Variants in CSMD2 observed in about 807,000 individuals in gnomAD.
CSMD2 encodes CUB and Sushi multiple domains 2.
CSMD2 carries 130 observed loss-of-function variants against 398.5 expected under a neutral mutation model. The ratio of observed to expected loss-of-function variants is 0.33; its 90% CI spans 0.28 to 0.38. The LOEUF (loss-of-function observed/expected upper bound fraction) is 0.38. Ranked by LOEUF, CSMD2 falls within the 10% of genes least tolerant of loss-of-function variation. CSMD2 has a pLI of 1.00. For missense variants in CSMD2, 3,829 were observed against 4,764.9 expected (o/e 0.80, Z 5.78); for synonymous variants, 1,828 against 1,908.5 (o/e 0.96, Z 1.10).
At chr1:33,760,503 A>C (rs1379335227) in intron 13 of CSMD2, among the ~76,000 whole-genome samples, 2 of 152,224 alleles carry the variant, frequency 1.3e-5, no homozygotes, top group Non-Finnish European at 2.9e-5. Flanking sequence ...CCAAGCCACC[A>C]TGCCAAAGTT....
At chr1:33,700,386 G>A (rs1267347860) in intron 23 of CSMD2, 131 bp downstream of exon 23, 2 of 883,706 alleles carry the variant, frequency 2.3e-6, no homozygotes, top group Non-Finnish European at 3.6e-6. Context: ...TCCACTGATG[G>A]ATACATATTG....
intron 25 of CSMD2, among the ~76,000 whole-genome samples, chr1:33,677,100 A>G (rs1644740511): frequency 6.6e-6 from 1 of 152,238 alleles, no homozygotes; most frequent in Admixed American, 6.5e-5. Context: ...AAAAGCCAAA[A>G]TTGACAAATG....
At chr1:33,753,864 C>T (rs1045249415) in intron 13 of CSMD2, among the ~76,000 whole-genome samples, 1 of 152,246 alleles carries the variant, frequency 6.6e-6, no homozygotes, top group Non-Finnish European at 1.5e-5. Context: ...TGTGTGGGGC[C>T]TGTTACCCCT....
At chr1:34,046,256 G>A (rs1046207751) in intron 2 of CSMD2, among the ~76,000 whole-genome samples, 2 of 152,094 alleles carry the variant, frequency 1.3e-5, no homozygotes, top group African/African-American at 2.4e-5. Context: ...TGACCAACAA[G>A]GAAACACATA....
chr1:33,714,870 G>A, intron 20 of CSMD2, 95 bp from the exon 21 acceptor site: 3 of 1,237,466 alleles, frequency 2.4e-6, no homozygotes, highest in Non-Finnish European at 3.4e-6. Context: ...AGGGGGAAAG[G>A]GCCAGGGACA....
At position 33,571,683 on chromosome 1, in the gene CSMD2, G is replaced by C. The variant is rs1189893958; in HGVS notation, c.7806C>G (p.Gly2602=). 1 of 1,570,788 alleles carries C rather than the reference G, an allele frequency of 6.4e-7. No individual in the cohort carries two copies. Among genetic ancestry groups the C allele is most frequent in the South Asian group, 1.2e-5 (1 of 83,766 alleles). ...GTGTCTCAAAGATAAGCCTCCATCG[G>C]CCATGCTCCACGCTGATGCTACTGA... The part of the protein sequence containing the change: ...PDVSSISVEH[G]RWRLIFETQY... The change falls in exon 51 of 71, where the codon GGC becomes GGG. Residue 2602 remains glycine (G), a synonymous_variant. Coordinates refer to ENST00000373381, the MANE Select transcript of CSMD2 (RefSeq NM_001281956.2).
chr1:34,163,622 G>C lies in CSMD2; in HGVS notation c.187+1289C>G, dbSNP rs976722988. Among the ~76,000 whole-genome samples, 5 of 152,220 alleles carry C rather than the reference G, an allele frequency of 3.3e-5. No individual in the cohort carries two copies. Among genetic ancestry groups the C allele is most frequent in the African/African-American group, 1.2e-4 (5 of 41,460 alleles). On this transcript the variant is annotated intron_variant, in intron 1 of 70. Coordinates refer to ENST00000373381, the MANE Select transcript of CSMD2 (RefSeq NM_001281956.2). This position sits in a 1 kb window ranked among gnomAD's most constrained non-coding sequence, Gnocchi z 5.4. Reference sequence around the variant, plus strand: ...TGGGGTGGTCCAGGCCAAGCCTTCAGAGGTTCAATCGGTGGTTTCAAAACA... The same window carrying C: ...TGGGGTGGTCCAGGCCAAGCCTTCACAGGTTCAATCGGTGGTTTCAAAACA...
At chr1:34,103,380 T>G (rs1405647031) in intron 1 of CSMD2, among the ~76,000 whole-genome samples, 5 of 145,906 alleles carry the variant, frequency 3.4e-5, no homozygotes, top group Admixed American at 2.8e-4. Context: ...CTCACTGCTA[T>G]CTCCGCCTCC....
At chr1:34,070,139 G>C (rs181962855) in intron 2 of CSMD2, among the ~76,000 whole-genome samples, 45 of 152,270 alleles carry the variant, frequency 3.0e-4, no homozygotes, top group Non-Finnish European at 4.9e-4. Context: ...ACTCCTTTGG[G>C]GTTCTACAAA....
intron 6 of CSMD2, among the ~76,000 whole-genome samples, chr1:33,836,161 A>G (rs6413841): frequency 0.79 from 119,098 of 151,674 alleles, 47,595 homozygotes; most frequent in East Asian, 0.94. Context: ...ATCAGCAGCG[A>G]AGCCTGCAGA....
Position 33,519,663 on chromosome 1 carries a change from A to T in CSMD2, c.10751T>A (p.Val3584Asp), listed in dbSNP as rs763420853. The T allele has an allele frequency of 3.8e-5, 61 of 1,613,338 alleles. No individual in the cohort carries two copies. The highest frequency in any genetic ancestry group is 4.9e-5 in the Non-Finnish European group (58 of 1,179,854). ...YLYKHRRRPK[V>D]PFNGYAGHEN... ...GTGGCCAGCATAGCCATTGAAAGGA[A>T]CTTTGGGTCTTCTCCTGGCGATAAA... Residue 3584 changes from valine (V) to aspartate (D), a missense_variant, in exon 70 of 71, where the codon GTT (valine) becomes GAT (aspartate). Val to Asp is a radical substitution (Grantham distance 152). Around this residue, in one of 5 missense-constraint regions of CSMD2, gnomAD observed 917 missense variants for 1,199.5 expected, o/e 0.76. Coordinates refer to ENST00000373381, the MANE Select transcript of CSMD2 (RefSeq NM_001281956.2). This position sits in a 1 kb window ranked among gnomAD's most constrained non-coding sequence, Gnocchi z 5.6.
intron 6 of CSMD2, among the ~76,000 whole-genome samples, chr1:33,841,901 T>C (rs1660891532): frequency 6.6e-6 from 1 of 152,154 alleles, no homozygotes; most frequent in South Asian, 2.1e-4. Context: ...ATGTTATACA[T>C]GGGGAGGGGA....
In CSMD2 at chr1:33,636,233, G is replaced by C. The variant is rs1642792326; in HGVS notation, c.4969+127C>G. 8 of 868,102 alleles carry C rather than the reference G, an allele frequency of 9.2e-6. No homozygotes were observed. Among genetic ancestry groups the C allele is most frequent in the Non-Finnish European group, 1.4e-5 (8 of 570,652 alleles). The allele number at this position is 868,102 out of a possible 1,614,324, so 53.8% of individuals were successfully genotyped here. A position where few individuals can be genotyped will look rare whatever the true frequency, so the allele number is the denominator to read the frequency against. On this transcript the variant is annotated intron_variant, in intron 30 of 70. Transcript: ENST00000373381. This position sits in a 1 kb window ranked among gnomAD's most constrained non-coding sequence, Gnocchi z 4.8. ...TCTATACACATCCACGGCAAACCCAGGTTTGCCAGGCTTGGAGGAGCCGGG... is the reference window on the plus strand; with the variant it reads ...TCTATACACATCCACGGCAAACCCACGTTTGCCAGGCTTGGAGGAGCCGGG...
intron 6 of CSMD2, among the ~76,000 whole-genome samples, chr1:33,836,746 C>T (rs1359492100): frequency 2.0e-5 from 3 of 152,170 alleles, no homozygotes; most frequent in African/African-American, 7.2e-5. Context: ...ACCCGATTTT[C>T]CAGGTGCCGT....
intron 13 of CSMD2, among the ~76,000 whole-genome samples, chr1:33,748,283 G>A (rs1425327393): frequency 3.9e-5 from 6 of 152,234 alleles, no homozygotes; most frequent in South Asian, 2.1e-4. Flanking sequence ...TCTCAGTGTC[G>A]CAAATGAGGG....
intron 40 of CSMD2, among the ~76,000 whole-genome samples, chr1:33,612,956 G>A (rs1641123153): frequency 1.3e-5 from 2 of 152,170 alleles, no homozygotes; most frequent in Non-Finnish European, 1.5e-5. Context: ...CCCAGGCATC[G>A]TCCCCTCATA....
intron 5 of CSMD2, among the ~76,000 whole-genome samples, chr1:33,873,205 CACGGGAGGAGATGTTA>C (rs1640598181): frequency 6.6e-6 from 1 of 152,166 alleles, no homozygotes; most frequent in African/African-American, 2.4e-5. Flanking sequence ...TTGGTGCTCC[CACGGGAGGAGATGTTA>C]GAGACCTTGG....
At chr1:33,920,375 A>T (rs1643894372) in intron 4 of CSMD2, among the ~76,000 whole-genome samples, 3 of 74,740 alleles carry the variant, frequency 4.0e-5, no homozygotes, top group Admixed American at 1.2e-4. Context: ...CTAAAAATAC[A>T]AAAAAAAAAA....
At chr1:33,622,068 G>T in intron 37 of CSMD2, 99 bp downstream of exon 37, 1 of 892,370 alleles carries the variant, frequency 1.1e-6, no homozygotes. Context: ...AAGTGGGATG[G>T]ACAATATGCA....
Sources: allele counts gnomAD v4.1 joint callset (sites outside exome capture counted in the v4.1 genomes callset), GRCh38; gene constraint gnomAD v4.1.1; regional missense constraint gnomAD v4.1.1; non-coding constraint Gnocchi (gnomAD v3.1); transcripts MANE v1.5; gene names NCBI Gene and HGNC (gene_info 2026-07-23, HGNC 2026-07-21).